Variants in SCN8A observed in about 807,000 individuals in gnomAD.
SCN8A encodes sodium channel protein type 8 subunit alpha.
SCN8A carries 30 observed loss-of-function variants against 184.1 expected under a neutral mutation model. The ratio of observed to expected loss-of-function variants is 0.16; its 90% CI spans 0.12 to 0.22. The LOEUF (loss-of-function observed/expected upper bound fraction) is 0.22, where lower values mean the gene tolerates loss of function less well. Among genes scored for constraint, SCN8A ranks in the 10% least tolerant of loss-of-function variants. SCN8A has a pLI of 1.00. For synonymous variants in SCN8A, 852 were observed against 907.0 expected, an observed-to-expected ratio of 0.94 and a Z score of 1.09; for missense variants, 1,057 against 2,498.9, an observed-to-expected ratio of 0.42 and a Z score of 12.30.
chr12:51,614,020 G>A (rs564756370), intron 1 of SCN8A, among the ~76,000 whole-genome samples: 31 of 152,228 alleles, frequency 2.0e-4, no homozygotes, highest in African/African-American at 7.2e-4. Flanking sequence ...TGTATATTCT[G>A]TTGTTAGGTG....
At position 51,751,467 on chromosome 12, in the gene SCN8A, G is replaced by A; in HGVS notation, c.2244G>A (p.Leu748=). 2 of 1,613,906 alleles carry A rather than the reference G, an allele frequency of 1.2e-6. No homozygotes were observed. Among genetic ancestry groups the A allele is most frequent in the Non-Finnish European group, 8.5e-7 (1 of 1,179,850 alleles). Residue 748 remains leucine (L), a synonymous_variant, in exon 14 of 27, where the codon TTG becomes TTA. Transcript: ENST00000627620. ...YWIKLKEIVN[L]IVMDPFVDLA... ...TAAAACTGAAAGAGATTGTGAACTT[G>A]ATAGTTATGGACCCTTTTGTGGATT...
At chr12:51,705,853 AGTG>A (rs998481484) in intron 10 of SCN8A, among the ~76,000 whole-genome samples, 25 of 152,310 alleles carry the variant, frequency 1.6e-4, no homozygotes, top group African/African-American at 5.3e-4. Flanking sequence ...TCAACTGTTC[AGTG>A]TGCAACCGCC....
chr12:51,594,845 T>A (rs1193863358), intron 1 of SCN8A, among the ~76,000 whole-genome samples: 1 of 152,150 alleles, frequency 6.6e-6, no homozygotes, highest in Non-Finnish European at 1.5e-5. Flanking sequence ...TCCAGAATGA[T>A]AGTATTTTAA....
At chr12:51,622,810 A>G (rs952879141) in intron 1 of SCN8A, among the ~76,000 whole-genome samples, 2 of 152,154 alleles carry the variant, frequency 1.3e-5, no homozygotes, top group Admixed American at 1.3e-4. Context: ...TTTACCTCCT[A>G]CAGAGGGTAT....
rs752955039 is a variant in SCN8A at position 51,685,877 on chromosome 12, A to C, written c.396-491A>C. ...CATAGAGAGACCTTGTCTCTTAAAA[A>C]AGAACAACAACTATGGAAAAAAAGT... On this transcript the variant is annotated intron_variant, in intron 3 of 26. Coordinates refer to ENST00000627620, the MANE Select transcript of SCN8A (RefSeq NM_001330260.2). 2.6e-5 allele frequency among the ~76,000 whole-genome samples: 4 copies of C among 152,218 alleles called. No homozygotes were observed. The East Asian group carries it at 7.7e-4, about 29-fold the overall frequency.
chr12:51,780,561 CTTTCTTTTTTTTTTTTTTTTTTTT>C, intron 20 of SCN8A, 64 bp from the exon 21 acceptor site: 2 of 457,834 alleles, frequency 4.4e-6, no homozygotes, highest in Non-Finnish European at 5.2e-6. Context: ...CCTCTGTTTT[CTTTCTTTTTTTTTTTTTTTTTTTT>C]TTTTTTTTTT....
Position 51,806,183 on chromosome 12 carries a change from C to G in SCN8A, c.4796-99C>G. ...ATAGTAAGGCACTTATTCTGCAAAG[C>G]CCTTTGAACCTAAGGGTTCCACAAT... On this transcript the variant is annotated intron_variant, in intron 26 of 26. Transcript: ENST00000627620. The surrounding 1 kb of genome is among the most constrained non-coding windows in gnomAD (Gnocchi z 8.7). The G allele has an allele frequency of 8.8e-7, 1 of 1,141,974 alleles. No individual in the cohort carries two copies. Among genetic ancestry groups the G allele is most frequent in the Non-Finnish European group, 1.2e-6 (1 of 816,808 alleles). The allele number at this position is 1,141,974 out of a possible 1,614,324, so 70.7% of individuals were successfully genotyped here. A position where few individuals can be genotyped will look rare whatever the true frequency, so the allele number is the denominator to read the frequency against.
intron 11 of SCN8A, among the ~76,000 whole-genome samples, chr12:51,718,198 C>T (rs190269589): frequency 1.1e-3 from 168 of 152,302 alleles, no homozygotes; most frequent in African/African-American, 4.0e-3. Context: ...AAAGTATTAA[C>T]AGGCTGAGCG....
intron 1 of SCN8A, among the ~76,000 whole-genome samples, chr12:51,615,586 C>T (rs553792716): frequency 1.3e-5 from 2 of 152,072 alleles, no homozygotes; most frequent in Admixed American, 6.5e-5. Flanking sequence ...ATGTTAGTAC[C>T]GTGTAGATCT....
rs199868823 is a variant in SCN8A, at chr12:51,604,838, G to GT, written c.-55+13490dup. Among the ~76,000 whole-genome samples the GT allele has an allele frequency of 2.7e-3, 396 of 146,096 alleles. 1 individual carries two copies. Among genetic ancestry groups the GT allele is most frequent in the East Asian group, 0.015 (74 of 5,022 alleles). On this transcript the variant is annotated intron_variant, in intron 1 of 26. Transcript: ENST00000627620. ...ATGAGCCACTGTACCAGGCTCCAGTGTTTTTTTTTTTAGCTTTTATTTTAG... is the reference window on the plus strand; with the variant it reads ...ATGAGCCACTGTACCAGGCTCCAGTGTTTTTTTTTTTTAGCTTTTATTTTAG...
At chr12:51,736,570 A>G (rs1942329327) in intron 12 of SCN8A, among the ~76,000 whole-genome samples, 1 of 152,242 alleles carries the variant, frequency 6.6e-6, no homozygotes, top group Admixed American at 6.5e-5. Flanking sequence ...TGAATTGTCA[A>G]AGTGTCCAGC....
At chr12:51,758,295 A>G (rs1942708106) in intron 14 of SCN8A, among the ~76,000 whole-genome samples, 2 of 152,262 alleles carry the variant, frequency 1.3e-5, no homozygotes, top group Non-Finnish European at 1.5e-5. Context: ...TATCTGTAAA[A>G]TAAATATCAC....
intron 1 of SCN8A, among the ~76,000 whole-genome samples, chr12:51,646,428 T>C (rs971143051): frequency 2.0e-5 from 3 of 152,228 alleles, no homozygotes; most frequent in African/African-American, 7.2e-5. Context: ...AGTGTTTCAG[T>C]ATTGGATGAC....
rs143139673 is a variant in SCN8A at position 51,794,652 on chromosome 12, T to C, written c.4795+11T>C. The C allele has an allele frequency of 2.3e-3, 3,703 of 1,612,566 alleles. 55 individuals carry two copies. The African/African-American group carries it at 0.034, about 15-fold the overall frequency. ...TCCTCTCCATTGTGGGTGAGTGGGGTTGGGGAAGTAGGCGAGGGGAAAGGG... is the reference window on the plus strand; with the variant it reads ...TCCTCTCCATTGTGGGTGAGTGGGGCTGGGGAAGTAGGCGAGGGGAAAGGG... On this transcript the variant is annotated intron_variant, in intron 26 of 26. Coordinates refer to ENST00000627620, the MANE Select transcript of SCN8A (RefSeq NM_001330260.2).
chr12:51,643,031 A>G (rs991079580), intron 1 of SCN8A, among the ~76,000 whole-genome samples: 3 of 152,102 alleles, frequency 2.0e-5, no homozygotes, highest in African/African-American at 7.2e-5. Context: ...TTGGAGTTTG[A>G]TACTGCTTTA....
chr12:51,745,990 A>G lies in SCN8A; in HGVS notation c.2086A>G (p.Arg696Gly). The change falls in exon 13 of 27, where the codon AGA becomes GGA. Residue 696 changes from arginine to glycine, a missense_variant. Arg to Gly is a moderately radical substitution (Grantham distance 125). Transcript: ENST00000627620. ...ATTAGCCTCCTACGGGCGGAAGGAC[A>G]GAATCAACAGTATAATGAGTGTTGT... ...DQLASYGRKDRINSIMSVVTN... is the reference protein window; with the variant it reads ...DQLASYGRKDGINSIMSVVTN... 1.2e-6 allele frequency: 2 copies of G among 1,612,330 alleles called. No homozygotes were observed. The highest frequency in any genetic ancestry group is 2.2e-5 in the South Asian group (2 of 90,638).
intron 1 of SCN8A, among the ~76,000 whole-genome samples, chr12:51,632,045 A>G (rs74091855): frequency 0.017 from 2,537 of 152,280 alleles, 73 homozygotes; most frequent in African/African-American, 0.055. Context: ...AAGAGTTTTT[A>G]AAAATGCTTT....
Position 51,591,375 on chromosome 12 carries a change from GC to G in SCN8A, c.-55+21del. On this transcript the variant is annotated intron_variant, in intron 1 of 26. Transcript: ENST00000627620. ...CGCCGCTGCCGTAAGTCGCCCCAGA[GC>G]CCCCGCCCTAGCGCTGCTTCCTGCC... 6.5e-6 allele frequency: 1 copy of G among 154,580 alleles called. No homozygotes were observed. Among genetic ancestry groups the G allele is most frequent in the Non-Finnish European group, 1.4e-5 (1 of 69,288 alleles). 9.6% of individuals were successfully genotyped at this position (154,580 alleles called of 1,614,324 possible). A position where few individuals can be genotyped will look rare whatever the true frequency, so the allele number is the denominator to read the frequency against.
chr12:51,687,315 A>G, intron 5 of SCN8A, 96 bp downstream of exon 5: 3 of 1,370,644 alleles, frequency 2.2e-6, no homozygotes, highest in Non-Finnish European at 2.0e-6. Context: ...TTGTGGACAC[A>G]GCTGTATGAG....
Sources: gnomAD v4.1 joint callset for allele counts (sites outside exome capture counted in the v4.1 genomes callset) on GRCh38, gnomAD v4.1.1 for gene constraint, Gnocchi (gnomAD v3.1) non-coding constraint, MANE v1.5 for transcripts, NCBI Gene and HGNC (gene_info 2026-07-23, HGNC 2026-07-21) for gene names.